The following DOCK3 variants were observed in gnomAD, a reference collection of about 807,000 sequenced individuals.
DOCK3 encodes dedicator of cytokinesis protein 3.
In DOCK3, 60 loss-of-function variants were observed where a neutral mutation model predicts 265.6. The ratio of observed to expected loss-of-function variants is 0.23; its 90% CI spans 0.18 to 0.28. The LOEUF (loss-of-function observed/expected upper bound fraction) is 0.28, where lower values mean the gene tolerates loss of function less well. Among genes scored for constraint, DOCK3 ranks in the 10% least tolerant of loss-of-function variants. The probability of loss-of-function intolerance (pLI) is 1.00; values close to 1 mark genes in which losing one functional copy is unlikely to be tolerated. For synonymous variants in DOCK3, 881 were observed against 938.0 expected (o/e 0.94, Z 1.11); for missense variants, 1,981 against 2,594.3 (o/e 0.76, Z 5.14).
At chr3:50,899,064 A>G (rs1206032848) in intron 4 of DOCK3, among the ~76,000 whole-genome samples, 2 of 152,072 alleles carry the variant, frequency 1.3e-5, no homozygotes, top group African/African-American at 4.8e-5. Context: ...TCTGTCTAAT[A>G]TTGGCAGTGG....
chr3:51,117,499 CCTT>C (rs1351149479), intron 9 of DOCK3, among the ~76,000 whole-genome samples: 9 of 152,074 alleles, frequency 5.9e-5, no homozygotes, highest in Non-Finnish European at 8.8e-5. Context: ...AGGGAGGAGT[CCTT>C]CTTTTCATGT....
At chr3:51,379,199 A>C (rs1013466438) in intron 51 of DOCK3, among the ~76,000 whole-genome samples, 2 of 152,144 alleles carry the variant, frequency 1.3e-5, no homozygotes, top group Non-Finnish European at 2.9e-5. Context: ...ACATTCAGCT[A>C]TCTCATCCTG....
At chr3:50,770,631 C>G (rs1466606802) in intron 1 of DOCK3, among the ~76,000 whole-genome samples, 1 of 151,996 alleles carries the variant, frequency 6.6e-6, no homozygotes, top group African/African-American at 2.4e-5. Flanking sequence ...CCAGAGTAGT[C>G]ACAGCATTCC....
intron 9 of DOCK3, among the ~76,000 whole-genome samples, chr3:51,140,804 G>A (rs1214981866): frequency 3.9e-5 from 6 of 152,106 alleles, no homozygotes; most frequent in Admixed American, 2.0e-4. Flanking sequence ...GAGGTGTGAC[G>A]TGGTACCCTC....
At chr3:50,915,469 A>G (rs537452818) in intron 4 of DOCK3, among the ~76,000 whole-genome samples, 4 of 152,126 alleles carry the variant, frequency 2.6e-5, no homozygotes, top group Admixed American at 6.5e-5. Flanking sequence ...GGACGAGTTC[A>G]CCTGCATGGA....
chr3:51,049,676 T>G (rs964724381), intron 5 of DOCK3, among the ~76,000 whole-genome samples: 2 of 152,050 alleles, frequency 1.3e-5, no homozygotes, highest in African/African-American at 4.8e-5. Context: ...CTGAAAGTCC[T>G]AGCCAGAACA....
chr3:50,727,328 T>C (rs1321909792), intron 1 of DOCK3, among the ~76,000 whole-genome samples: 21 of 152,248 alleles, frequency 1.4e-4, no homozygotes, highest in Admixed American at 1.4e-3. Context: ...AAGAAATCTG[T>C]TATGTCTGTA....
intron 24 of DOCK3, among the ~76,000 whole-genome samples, chr3:51,273,201 A>G (rs1054456437): frequency 1.3e-5 from 2 of 151,864 alleles, no homozygotes; most frequent in Non-Finnish European, 1.5e-5. Flanking sequence ...TTCAAAATAT[A>G]TGGGAAGGGG....
rs368237077 is a variant in DOCK3 at position 51,227,457 on chromosome 3, T to G, written c.1540+12T>G. Reference sequence around the variant, plus strand: ...CAGACATTGTTCCAGTGAGTTAGACTTCCCCCCCTCCACATTCCCTTGAGA... The same window carrying G: ...CAGACATTGTTCCAGTGAGTTAGACGTCCCCCCCTCCACATTCCCTTGAGA... On this transcript the variant is annotated intron_variant, in intron 16 of 52. Coordinates refer to ENST00000266037, the MANE Select transcript of DOCK3 (RefSeq NM_004947.5). 3.1e-6 allele frequency: 5 copies of G among 1,613,586 alleles called. No homozygotes were observed. The African/African-American group carries it at 6.7e-5, about 22-fold the overall frequency.
At chr3:51,248,772 A>C (rs374231621) in intron 22 of DOCK3, among the ~76,000 whole-genome samples, 3 of 131,940 alleles carry the variant, frequency 2.3e-5, no homozygotes, top group African/African-American at 8.9e-5. Context: ...GGCCGCCATC[A>C]CATCTAGGAA....
At chr3:50,874,061 C>CTT (rs1234594228) in intron 3 of DOCK3, among the ~76,000 whole-genome samples, 33 of 104,514 alleles carry the variant, frequency 3.2e-4, no homozygotes, top group African/African-American at 1.0e-3. Context: ...TTTTTCTTTT[C>CTT]TTTTGTTTTT....
chr3:51,072,521 G>A (rs1297409154), intron 6 of DOCK3, among the ~76,000 whole-genome samples: 1 of 151,888 alleles, frequency 6.6e-6, no homozygotes, highest in Non-Finnish European at 1.5e-5. Context: ...TGATTCTCAT[G>A]CCTCAGCCTC....
chr3:51,012,017 G>C (rs896977499), intron 5 of DOCK3, among the ~76,000 whole-genome samples: 2 of 152,162 alleles, frequency 1.3e-5, no homozygotes, highest in Non-Finnish European at 2.9e-5. Context: ...GGCCGTGTGA[G>C]CTGTCAGTCT....
intron 1 of DOCK3, among the ~76,000 whole-genome samples, chr3:50,735,810 T>C (rs1300124340): frequency 6.6e-6 from 1 of 152,204 alleles, no homozygotes; most frequent in Non-Finnish European, 1.5e-5. Flanking sequence ...CTCATGGTTC[T>C]GCGGCTATAC....
intron 5 of DOCK3, among the ~76,000 whole-genome samples, chr3:51,003,822 G>A (rs1386131295): frequency 6.6e-6 from 1 of 152,150 alleles, no homozygotes; most frequent in Non-Finnish European, 1.5e-5. Context: ...TTTTTGTCCA[G>A]GTGTTGGTGA....
intron 3 of DOCK3, among the ~76,000 whole-genome samples, chr3:50,875,868 A>C (rs557745831): frequency 3.9e-5 from 6 of 152,102 alleles, no homozygotes; most frequent in Non-Finnish European, 8.8e-5. Flanking sequence ...AAAAAAAAAA[A>C]AACAACTGTT....
At chr3:50,737,690 T>C (rs2038732258) in intron 1 of DOCK3, among the ~76,000 whole-genome samples, 1 of 152,258 alleles carries the variant, frequency 6.6e-6, no homozygotes, top group Non-Finnish European at 1.5e-5. Flanking sequence ...GTTCTGCTGA[T>C]TGAGTGTGCT....
chr3:50,688,471 A>G (rs1205515595), intron 1 of DOCK3, among the ~76,000 whole-genome samples: 2 of 151,984 alleles, frequency 1.3e-5, no homozygotes, highest in African/African-American at 2.4e-5. Context: ...TAATTAATTA[A>G]TTATTTTGTG....
rs1250933730 is a variant in DOCK3 at position 51,374,818 on chromosome 3, C to A, written c.5412+231C>A. Among the ~76,000 whole-genome samples the A allele has an allele frequency of 6.6e-6, 1 of 152,174 alleles. No individual in the cohort carries two copies. The highest frequency in any genetic ancestry group is 1.5e-5 in the Non-Finnish European group (1 of 68,030). ...TGGTGGCAGGAACCACCATTGGAAC[C>A]AGCATTGCTCATGTAGCTATCTGTC... On this transcript the variant is annotated intron_variant, in intron 50 of 52. Transcript: ENST00000266037. The surrounding 1 kb of genome is among the most constrained non-coding windows in gnomAD (Gnocchi z 4.8).
Sources: allele counts gnomAD v4.1 joint callset (sites outside exome capture counted in the v4.1 genomes callset), GRCh38; gene constraint gnomAD v4.1.1; non-coding constraint Gnocchi (gnomAD v3.1); transcripts MANE v1.5; gene names NCBI Gene and HGNC (gene_info 2026-07-23, HGNC 2026-07-21).